The following DAPP1 variants were observed in gnomAD, a reference collection of about 807,000 sequenced individuals.
DAPP1 encodes the protein dual adapter for phosphotyrosine and 3-phosphotyrosine and 3-phosphoinositide.
DAPP1 carries 20 observed loss-of-function variants against 41.5 expected under a neutral mutation model. That is an observed-to-expected ratio of 0.48 (90% CI 0.34 to 0.70). DAPP1 has a LOEUF of 0.70. Ranked by LOEUF, DAPP1 falls within the 30% of genes least tolerant of loss-of-function variation. The probability of loss-of-function intolerance (pLI) is 0.01; values close to 1 mark genes in which losing one functional copy is unlikely to be tolerated. For synonymous variants in DAPP1, 113 were observed against 116.2 expected (o/e 0.97, Z 0.18); for missense variants, 233 against 333.4 (o/e 0.70, Z 2.35).
chr4:99,863,806 T>A lies in DAPP1; in HGVS notation c.637T>A (p.Cys213Ser). ...EPIRILDLTE[C>S]SAVQFDYSQE... is the part of the protein sequence containing the mutation. Reference sequence around the variant, plus strand: ...AATTCGGATCCTAGACCTAACAGAATGTTCAGCTGTACAATTCGATTATTC... The same window carrying A: ...AATTCGGATCCTAGACCTAACAGAAAGTTCAGCTGTACAATTCGATTATTC... Residue 213 changes from cysteine to serine, a missense_variant, in exon 7 of 9, where the codon TGT (cysteine) becomes AGT (serine). Cys to Ser is a moderately radical substitution (Grantham distance 112). Coordinates refer to ENST00000512369, the MANE Select transcript of DAPP1 (RefSeq NM_014395.3). 6.2e-7 allele frequency: 1 copy of A among 1,602,706 alleles called. No individual in the cohort carries two copies. The highest frequency in any genetic ancestry group is 8.5e-7 in the Non-Finnish European group (1 of 1,173,972).
chr4:99,866,128 AT>A lies in DAPP1; in HGVS notation c.774+12del. 6.5e-7 allele frequency: 1 copy of A among 1,539,152 alleles called. No homozygotes were observed. Among genetic ancestry groups the A allele is most frequent in the Non-Finnish European group, 9.0e-7 (1 of 1,115,664 alleles). The stretch of plus-strand genomic sequence containing the variant: ...GATATTACGCTGGAAATTGGTGAGA[AT>A]TTTTAAGCCTTCAGATGTCAAGTCT... On this transcript the variant is annotated splice_region_variant and intron_variant, in intron 8 of 8. Coordinates refer to ENST00000512369, the MANE Select transcript of DAPP1 (RefSeq NM_014395.3).
chr4:99,867,875 A>G (rs567570232), intron 8 of DAPP1, among the ~76,000 whole-genome samples: 1 of 152,346 alleles, frequency 6.6e-6, no homozygotes, highest in South Asian at 2.1e-4. Flanking sequence ...TGTAAGTATT[A>G]GACCAATTCC....
chr4:99,860,282 A>G lies in DAPP1; in HGVS notation c.490-1296A>G, dbSNP rs181699593. Among the ~76,000 whole-genome samples the G allele has an allele frequency of 4.8e-3, 734 of 152,322 alleles. 7 individuals carry two copies. Among genetic ancestry groups the G allele is most frequent in the Middle Eastern group, 0.014 (4 of 294 alleles). ...CACTTATAGTACATTGTTTGGGTGG[A>G]GGTAAGATGGGATTATTCCCTAGCT... On this transcript the variant is annotated intron_variant, in intron 4 of 8. Transcript: ENST00000512369.
At chr4:99,819,407 C>T (rs138870730) in intron 1 of DAPP1, among the ~76,000 whole-genome samples, 3,501 of 152,292 alleles carry the variant, frequency 0.023, 56 homozygotes, top group Middle Eastern at 0.034. Flanking sequence ...TTAACATCAT[C>T]GAATTGAATA....
intron 3 of DAPP1, chr4:99,844,733 A>C (rs921514584): frequency 2.6e-5 from 4 of 152,232 alleles, no homozygotes; most frequent in Non-Finnish European, 5.9e-5. Context: ...ATTGGTTCCC[A>C]ATTTTAAAGA....
At chr4:99,856,399 AC>A (rs2110161361) in intron 4 of DAPP1, among the ~76,000 whole-genome samples, 1 of 152,310 alleles carries the variant, frequency 6.6e-6, no homozygotes, top group East Asian at 1.9e-4. Flanking sequence ...GGCAGAGGAA[AC>A]AGTACAAAGG....
At chr4:99,853,423 G>T in intron 4 of DAPP1, 75 bp downstream of exon 4, 3 of 1,515,510 alleles carry the variant, frequency 2.0e-6, no homozygotes, top group Non-Finnish European at 2.7e-6. Flanking sequence ...GTTAATAAGA[G>T]TGTATTTGTT....
chr4:99,835,237 G>A (rs1438533289), intron 1 of DAPP1, among the ~76,000 whole-genome samples: 1 of 152,086 alleles, frequency 6.6e-6, no homozygotes, highest in Non-Finnish European at 1.5e-5. Flanking sequence ...TCGAACCCCT[G>A]ACCTCAAGTG....
chr4:99,839,181 G>A (rs1010687279), intron 2 of DAPP1, among the ~76,000 whole-genome samples: 72 of 144,964 alleles, frequency 5.0e-4, no homozygotes, highest in African/African-American at 1.7e-3. Flanking sequence ...TGGATCTACC[G>A]AATCTCAATC....
intron 1 of DAPP1, among the ~76,000 whole-genome samples, chr4:99,820,725 T>C (rs1722746974): frequency 6.6e-6 from 1 of 152,236 alleles, no homozygotes; most frequent in South Asian, 2.1e-4. Flanking sequence ...TTGCAGGCCT[T>C]ACAGTCTCTA....
Position 99,868,135 on chromosome 4 carries a change from C to A in DAPP1, c.793C>A (p.Leu265Ile), listed in dbSNP as rs924399278. The A allele has an allele frequency of 1.2e-6, 2 of 1,613,706 alleles. No homozygotes were observed. The highest frequency in any genetic ancestry group is 1.7e-6 in the Non-Finnish European group (2 of 1,179,814). ...ATTACAGTCACAAATAAGAAAACAG[C>A]TCAACCAAGGGGAAGGCACGATCCG... ...RWKLSQIRKQLNQGEGTIRSR... is the reference protein window; with the variant it reads ...RWKLSQIRKQINQGEGTIRSR... The change falls in exon 9 of 9, where the codon CTC (leucine) becomes ATC (isoleucine). Residue 265 changes from leucine (L) to isoleucine (I), a missense_variant. Coordinates refer to ENST00000512369, the MANE Select transcript of DAPP1 (RefSeq NM_014395.3).
chr4:99,827,456 C>G (rs1722971455), intron 1 of DAPP1, among the ~76,000 whole-genome samples: 1 of 151,586 alleles, frequency 6.6e-6, no homozygotes, highest in African/African-American at 2.4e-5. Flanking sequence ...TGGCGTGAAC[C>G]CGGGAGGCAG....
intron 3 of DAPP1, among the ~76,000 whole-genome samples, chr4:99,842,892 C>A (rs1466971327): frequency 6.8e-6 from 1 of 147,984 alleles, no homozygotes; most frequent in Non-Finnish European, 1.5e-5. Context: ...CGCTCTGTCG[C>A]CCAGGCTGGA....
chr4:99,847,854 G>C (rs374622434), intron 3 of DAPP1, among the ~76,000 whole-genome samples: 3 of 151,898 alleles, frequency 2.0e-5, no homozygotes, highest in Non-Finnish European at 4.4e-5. Flanking sequence ...TCACTCTGTT[G>C]CCAGGCTGGA....
intron 2 of DAPP1, 63 bp downstream of exon 2, chr4:99,835,808 A>G: frequency 1.9e-6 from 3 of 1,576,482 alleles, no homozygotes; most frequent in Non-Finnish European, 2.6e-6. Flanking sequence ...TGACTTTATC[A>G]TCACTCAAAT....
chr4:99,863,723 T>G (rs559231657), intron 6 of DAPP1, 47 bp from the exon 7 acceptor site: 34 of 1,233,370 alleles, frequency 2.8e-5, no homozygotes, highest in Middle Eastern at 1.9e-4. Flanking sequence ...TGTCTGTTTT[T>G]TTTTTTTTTT....
intron 4 of DAPP1, among the ~76,000 whole-genome samples, chr4:99,857,659 T>C (rs1187859121): frequency 1.3e-5 from 2 of 151,708 alleles, no homozygotes; most frequent in African/African-American, 2.4e-5. Context: ...TTGCTTATCC[T>C]TTCAGTCTTT....
At chr4:99,835,851 G>A (rs934163437) in intron 2 of DAPP1, 106 bp downstream of exon 2, 14 of 1,439,942 alleles carry the variant, frequency 9.7e-6, no homozygotes, top group Non-Finnish European at 1.3e-5. Context: ...ATTCCTGTTG[G>A]ACCACCAGGT....
chr4:99,844,199 A>G (rs1723588565), intron 3 of DAPP1: 1 of 152,264 alleles, frequency 6.6e-6, no homozygotes, highest in Non-Finnish European at 1.5e-5. Flanking sequence ...CAGGGAAGCT[A>G]GAGCGCTTCC....
Sources: gnomAD v4.1 joint callset for allele counts (sites outside exome capture counted in the v4.1 genomes callset) on GRCh38, gnomAD v4.1.1 for gene constraint, MANE v1.5 for transcripts, NCBI Gene and HGNC (gene_info 2026-07-23, HGNC 2026-07-21) for gene names.